SH3RF2: variants seen among roughly 807,000 people sequenced by gnomAD.
The protein encoded by SH3RF2 is SH3 domain containing ring finger 2, also known as E3 ubiquitin-protein ligase SH3RF2.
SH3RF2 carries 43 observed loss-of-function variants against 59.0 expected under a neutral mutation model. The ratio of observed to expected loss-of-function variants is 0.73; its 90% CI spans 0.57 to 0.94. SH3RF2 has a LOEUF of 0.94. SH3RF2 is among the 40% of genes least tolerant of loss of function. The pLI, the probability that SH3RF2 is intolerant of heterozygous loss-of-function variation, is 0.00. For missense variants in SH3RF2, 930 were observed against 940.1 expected, an observed-to-expected ratio of 0.99 and a Z score of 0.14; for synonymous variants, 391 against 391.5, an observed-to-expected ratio of 1.00 and a Z score of 0.01.
intron 2 of SH3RF2, among the ~76,000 whole-genome samples, chr5:145,979,190 G>A (rs957141395): frequency 3.4e-4 from 51 of 152,160 alleles, no homozygotes; most frequent in Non-Finnish European, 6.0e-4. Flanking sequence ...ACCATCACCT[G>A]GGGGAACTGG....
intron 7 of SH3RF2, among the ~76,000 whole-genome samples, chr5:146,054,315 G>A (rs1390326144): frequency 3.3e-5 from 5 of 152,190 alleles, no homozygotes; most frequent in Non-Finnish European, 5.9e-5. Flanking sequence ...AAAGGGGACT[G>A]ATGGAATAAG....
At chr5:145,960,287 C>T (rs1758583429) in intron 2 of SH3RF2, among the ~76,000 whole-genome samples, 1 of 152,130 alleles carries the variant, frequency 6.6e-6, no homozygotes, top group Admixed American at 6.5e-5. Context: ...AATTCCCAAA[C>T]ATGGAAAAGG....
chr5:146,006,811 G>C (rs1274832734), intron 4 of SH3RF2, among the ~76,000 whole-genome samples: 2 of 152,186 alleles, frequency 1.3e-5, no homozygotes, highest in African/African-American at 4.8e-5. Context: ...TCCATGTTCA[G>C]TGCAGAGTGA....
At chr5:146,063,807 C>T (rs1313094404), downstream of SH3RF2, among the ~76,000 whole-genome samples, 1 of 152,122 alleles carries the variant, frequency 6.6e-6, no homozygotes, top group Non-Finnish European at 1.5e-5. Context: ...TTACAGTGAA[C>T]CAAGATTGCA....
intron 2 of SH3RF2, among the ~76,000 whole-genome samples, chr5:145,973,889 G>A (rs1416369964): frequency 6.6e-6 from 1 of 152,106 alleles, no homozygotes; most frequent in Non-Finnish European, 1.5e-5. Context: ...GGAAAAGAAG[G>A]GACATTCATT....
chr5:146,023,305 T>C (rs963468668), intron 5 of SH3RF2, among the ~76,000 whole-genome samples: 26 of 151,974 alleles, frequency 1.7e-4, no homozygotes, highest in African/African-American at 5.8e-4. Flanking sequence ...GCCTCCCAGG[T>C]TCAAGTGGTC....
chr5:146,039,264 C>T (rs567340178), intron 5 of SH3RF2, among the ~76,000 whole-genome samples: 5 of 152,182 alleles, frequency 3.3e-5, no homozygotes, highest in South Asian at 2.1e-4. Flanking sequence ...TGTTTAAAAA[C>T]GTGAACCATA....
At chr5:146,015,099 T>C (rs537183039) in intron 5 of SH3RF2, among the ~76,000 whole-genome samples, 128 of 152,246 alleles carry the variant, frequency 8.4e-4, no homozygotes, top group African/African-American at 3.0e-3. Context: ...AAACATGAAT[T>C]TCTACCTTGG....
chr5:146,057,995 T>G (rs1233598150), intron 8 of SH3RF2, among the ~76,000 whole-genome samples: 1 of 151,156 alleles, frequency 6.6e-6, no homozygotes, highest in Non-Finnish European at 1.5e-5. Context: ...TATATATATA[T>G]ATTTGATTTA....
Position 146,004,168 on chromosome 5 carries a change from A to C in SH3RF2, c.744+15A>C, listed in dbSNP as rs1760538149. The C allele has an allele frequency of 6.3e-7, 1 of 1,596,214 alleles. No homozygotes were observed. The highest frequency in any genetic ancestry group is 1.3e-5 in the African/African-American group (1 of 74,540). ...TGTTTGTAGAGGTACGTGAGTATCA[A>C]GTCTACATCTGATTTACGCATACAC... On this transcript the variant is annotated intron_variant, in intron 4 of 9. Transcript: ENST00000359120.
rs748569627 is a variant in SH3RF2 at position 146,049,161 on chromosome 5, G to A, written c.1238G>A (p.Cys413Tyr). ...KGEGVRVLGK[C>Y]QDGWLRGVSL... Reference sequence around the variant, plus strand: ...GAAGGCGTCAGGGTCCTGGGGAAGTGCCAGGACGGCTGGCTCAGGGGCGTC... The same window carrying A: ...GAAGGCGTCAGGGTCCTGGGGAAGTACCAGGACGGCTGGCTCAGGGGCGTC... Residue 413 changes from cysteine (C) to tyrosine (Y), a missense_variant, in exon 7 of 10, where the codon TGC (cysteine) becomes TAC (tyrosine). Coordinates refer to ENST00000359120, the MANE Select transcript of SH3RF2 (RefSeq NM_152550.4). The A allele has an allele frequency of 9.9e-6, 16 of 1,614,050 alleles. No homozygotes were observed. Among genetic ancestry groups the A allele is most frequent in the Non-Finnish European group, 1.4e-5 (16 of 1,180,034 alleles).
chr5:145,955,558 A>T (rs902795371), intron 2 of SH3RF2, among the ~76,000 whole-genome samples: 3 of 152,214 alleles, frequency 2.0e-5, no homozygotes, highest in Non-Finnish European at 4.4e-5. Context: ...CTAAAATAAA[A>T]GTTGAAGAGA....
chr5:146,047,643 A>G (rs1467808413), intron 5 of SH3RF2, 129 bp from the exon 6 acceptor site: 1 of 779,222 alleles, frequency 1.3e-6, no homozygotes, highest in African/African-American at 1.7e-5. Context: ...AGGACGCACA[A>G]TGGGTGGCAC....
At chr5:145,983,041 G>A (rs1471552039) in intron 2 of SH3RF2, among the ~76,000 whole-genome samples, 2 of 152,104 alleles carry the variant, frequency 1.3e-5, no homozygotes, top group African/African-American at 4.8e-5. Flanking sequence ...TTGTAGAAAG[G>A]CAATGGTGCT....
chr5:145,953,151 TAATAAA>T (rs1758258198), intron 2 of SH3RF2, among the ~76,000 whole-genome samples: 2 of 145,530 alleles, frequency 1.4e-5, no homozygotes, highest in South Asian at 4.4e-4. Flanking sequence ...CACACACAAA[TAATAAA>T]AATAATTGCA....
chr5:145,959,623 G>A (rs1758552154), intron 2 of SH3RF2, among the ~76,000 whole-genome samples: 2 of 149,730 alleles, frequency 1.3e-5, no homozygotes, highest in East Asian at 4.0e-4. Context: ...ATATGTGTGT[G>A]TGTGTGTGTG....
intron 4 of SH3RF2, among the ~76,000 whole-genome samples, chr5:146,010,579 T>C (rs1200498322): frequency 6.6e-6 from 1 of 152,216 alleles, no homozygotes; most frequent in Non-Finnish European, 1.5e-5. Flanking sequence ...TTCTAACCGG[T>C]GTGAGATGGT....
Position 146,049,024 on chromosome 5 carries a change from C to T in SH3RF2, c.1152-51C>T, listed in dbSNP as rs777642409. 5.6e-6 allele frequency: 9 copies of T among 1,604,692 alleles called. No individual in the cohort carries two copies. In the East Asian group the frequency reaches 2.0e-4, roughly 36 times the overall value. On this transcript the variant is annotated intron_variant, in intron 6 of 9. Transcript: ENST00000359120. ...CCACCATTCCCCCACTCCATGCCCC[C>T]CATCAGGCACGTCTTCCTTCCTCCC...
chr5:145,962,888 C>CTTTTT (rs1168517787), intron 2 of SH3RF2, among the ~76,000 whole-genome samples: 2 of 104,550 alleles, frequency 1.9e-5, no homozygotes, highest in African/African-American at 4.6e-5. Flanking sequence ...TATTATTCCA[C>CTTTTT]TTTTTTTTTT....
Sources: allele counts gnomAD v4.1 joint callset (sites outside exome capture counted in the v4.1 genomes callset), GRCh38; gene constraint gnomAD v4.1.1; transcripts MANE v1.5; gene names NCBI Gene and HGNC (gene_info 2026-07-23, HGNC 2026-07-21).